SPTA1: variants seen among roughly 807,000 people sequenced by gnomAD.
SPTA1 encodes spectrin alpha chain, erythrocytic 1.
In SPTA1, 177 loss-of-function variants were observed where a neutral mutation model predicts 324.7. That is an observed-to-expected ratio of 0.55 (90% CI 0.48 to 0.62). The LOEUF is 0.62. SPTA1 is among the 20% of genes least tolerant of loss of function. SPTA1 has a pLI of 0.00. For missense variants in SPTA1, 3,162 were observed against 2,883.6 expected (o/e 1.10, Z -2.21); for synonymous variants, 1,195 against 1,041.3 (o/e 1.15, Z -2.84).
At chr1:158,670,191 T>A (rs1653914672) in intron 12 of SPTA1, among the ~76,000 whole-genome samples, 1 of 152,188 alleles carries the variant, frequency 6.6e-6, no homozygotes. Flanking sequence ...CCTCTATCTC[T>A]ATCTCCTTCT....
rs1383233160 is a variant in SPTA1 at position 158,685,099 on chromosome 1, C to A, written c.264+9G>T. Reference sequence around the variant, plus strand: ...GTCTGCTCTGAGGCAATCAAGAGAACTGAGTGACCTGTATATTAGTTGGGT... The same window carrying A: ...GTCTGCTCTGAGGCAATCAAGAGAAATGAGTGACCTGTATATTAGTTGGGT... On this transcript the variant is annotated intron_variant, in intron 2 of 51. Transcript: ENST00000643759. 4 of 1,613,602 alleles carry A rather than the reference C, an allele frequency of 2.5e-6. No homozygotes were observed. The highest frequency in any genetic ancestry group is 3.4e-6 in the Non-Finnish European group (4 of 1,179,708).
intron 40 of SPTA1, 120 bp downstream of exon 40, chr1:158,627,505 T>G (rs577582410): frequency 3.1e-4 from 302 of 960,228 alleles, no homozygotes; most frequent in South Asian, 9.3e-4. Flanking sequence ...TAGAAGAGAT[T>G]GTTAAAGTTC....
chr1:158,623,099 G>A lies in SPTA1; in HGVS notation c.6004C>T (p.Gln2002Ter). 1 of 1,614,130 alleles carries A rather than the reference G, an allele frequency of 6.2e-7. No homozygotes were observed. Among genetic ancestry groups the A allele is most frequent in the Non-Finnish European group, 8.5e-7 (1 of 1,180,026 alleles). ...TAACGCTCTTCAATGGCTTTAGACT[G>A]GTTGTGTTGAGCAGAAATCAGTTTG... ...KDKLISAQHN[Q>*]SKAIEERYAA... Residue 2002 changes from glutamine (Q) to a stop codon, truncating the protein, a stop_gained, in exon 43 of 52, where the codon CAG becomes TAG. Coordinates refer to ENST00000643759, the MANE Select transcript of SPTA1 (RefSeq NM_003126.4). LOFTEE classifies it high-confidence loss of function.
chr1:158,669,349 G>A (rs1653834158), intron 14 of SPTA1, 59 bp downstream of exon 14: 1 of 1,607,574 alleles, frequency 6.2e-7, no homozygotes, highest in Non-Finnish European at 8.5e-7. Context: ...CTCCAAGACT[G>A]TACTTCCAAT....
chr1:158,645,782 T>C (rs991126871), intron 27 of SPTA1, among the ~76,000 whole-genome samples, 188 bp from the exon 28 acceptor site: 5 of 152,250 alleles, frequency 3.3e-5, no homozygotes, highest in Non-Finnish European at 7.3e-5. Context: ...TCCCTTGTAT[T>C]TGAAAGCCTC....
At chr1:158,673,454 G>T (rs1296618033) in intron 10 of SPTA1, among the ~76,000 whole-genome samples, 1 of 152,192 alleles carries the variant, frequency 6.6e-6, no homozygotes, top group Non-Finnish European at 1.5e-5. Context: ...GATGTAGGAG[G>T]TTAGGATGAT....
intron 36 of SPTA1, 42 bp downstream of exon 36, chr1:158,637,991 T>A: frequency 6.3e-7 from 1 of 1,592,990 alleles, no homozygotes; most frequent in Non-Finnish European, 8.6e-7. Context: ...GATTATCTAC[T>A]CGCTTGTATT....
intron 11 of SPTA1, 23 bp from the exon 12 acceptor site, chr1:158,671,476 C>A: frequency 6.4e-7 from 1 of 1,569,294 alleles, no homozygotes; most frequent in Non-Finnish European, 8.8e-7. Flanking sequence ...GAAAGACACA[C>A]CTAAGCTGTG....
At chr1:158,634,807 C>A (rs1650943500) in intron 38 of SPTA1, 132 bp from the exon 39 acceptor site, 1 of 1,018,020 alleles carries the variant, frequency 9.8e-7, no homozygotes, top group Non-Finnish European at 1.5e-6. Flanking sequence ...AAGTGGGCCT[C>A]AACACAGTAT....
Position 158,676,295 on chromosome 1 carries a change from C to T in SPTA1, c.958G>A (p.Val320Met), listed in dbSNP as rs1654390391. Reference protein sequence around the residue: ...ERNLAVMSDKVKELCAKAEKL... With the variant: ...ERNLAVMSDKMKELCAKAEKL... ...TCTGCTTTAGCACATAACTCCTTCA[C>T]CTTTGGGATGAAAAAGAAACCTAGT... Residue 320 changes from valine to methionine, a missense_variant and splice_region_variant, in exon 8 of 52, where the codon GTG becomes ATG. By Grantham distance (21) the Val-to-Met change is conservative (BLOSUM62 1). Transcript: ENST00000643759. 6.2e-7 allele frequency: 1 copy of T among 1,613,382 alleles called. No individual in the cohort carries two copies. Among genetic ancestry groups the T allele is most frequent in the Non-Finnish European group, 8.5e-7 (1 of 1,179,582 alleles).
At position 158,619,415 on chromosome 1, in the gene SPTA1, T is replaced by C. The variant is rs1015682404; in HGVS notation, c.6418-81A>G. 6 of 1,332,078 alleles carry C rather than the reference T, an allele frequency of 4.5e-6. No individual in the cohort carries two copies. The Admixed American group carries it at 1.0e-4, about 22-fold the overall frequency. The allele number at this position is 1,332,078 out of a possible 1,614,324, so 82.5% of individuals were successfully genotyped here. On this transcript the variant is annotated intron_variant, in intron 44 of 51. Coordinates refer to ENST00000643759, the MANE Select transcript of SPTA1 (RefSeq NM_003126.4). ...AAGAGAATTGGTTTGTAGGCTTAAC[T>C]GCATATCTTTCCTCTCTCAAGTCTA...
Position 158,610,817 on chromosome 1 carries a change from C to T in SPTA1, c.*447G>A, listed in dbSNP as rs2101739659. The T allele has an allele frequency of 6.4e-6, 1 of 155,284 alleles. No individual in the cohort carries two copies. Among genetic ancestry groups the T allele is most frequent in the East Asian group, 1.9e-4 (1 of 5,298 alleles). The allele number at this position is 155,284 out of a possible 1,614,324, so 9.6% of individuals were successfully genotyped here. On this transcript the variant is annotated 3_prime_UTR_variant, in exon 52 of 52. Transcript: ENST00000643759. ...TTTTATTTATCTACTATACCATGGC[C>T]CTTCTTTACAGTAAAATTAGCTGCC... is the stretch of plus-strand genomic sequence containing the variant.
chr1:158,638,832 C>T (rs1651306917), intron 35 of SPTA1, among the ~76,000 whole-genome samples: 2 of 151,280 alleles, frequency 1.3e-5, no homozygotes, highest in Non-Finnish European at 2.9e-5. Flanking sequence ...TTGATAGCCA[C>T]AGATTGATTG....
intron 38 of SPTA1, 44 bp from the exon 39 acceptor site, chr1:158,634,719 G>A (rs1269807802): frequency 2.5e-6 from 4 of 1,612,386 alleles, no homozygotes; most frequent in South Asian, 2.2e-5. Flanking sequence ...GAACAAACTG[G>A]TAAGCAGTGG....
intron 50 of SPTA1, 34 bp from the exon 51 acceptor site, chr1:158,612,995 T>C: frequency 6.2e-7 from 1 of 1,612,064 alleles, no homozygotes; most frequent in Non-Finnish European, 8.5e-7. Context: ...CTGAGCCTTC[T>C]CAAGGCAGAG....
chr1:158,674,946 C>T (rs1016730307), intron 8 of SPTA1, among the ~76,000 whole-genome samples: 3 of 152,114 alleles, frequency 2.0e-5, no homozygotes, highest in Admixed American at 2.0e-4. Context: ...CTCAAGGTCA[C>T]ACCTACCCTA....
intron 6 of SPTA1, 31 bp downstream of exon 6, chr1:158,678,370 G>C (rs1337018354): frequency 1.2e-6 from 2 of 1,613,078 alleles, no homozygotes; most frequent in East Asian, 2.2e-5. Flanking sequence ...GCACTTCAAA[G>C]TTTTCTATAA....
chr1:158,654,829 T>C (rs1388729507), intron 20 of SPTA1, 81 bp from the exon 21 acceptor site: 7 of 1,592,720 alleles, frequency 4.4e-6, no homozygotes, highest in African/African-American at 1.3e-5. Flanking sequence ...AGTAGTCCTT[T>C]AGGCTTCCCA....
chr1:158,645,137 T>A, intron 29 of SPTA1, 51 bp downstream of exon 29: 2 of 1,595,824 alleles, frequency 1.3e-6, no homozygotes, highest in Non-Finnish European at 1.7e-6. Flanking sequence ...TGAAATTGCA[T>A]AGGAGAAACA....
Sources: allele counts gnomAD v4.1 joint callset (sites outside exome capture counted in the v4.1 genomes callset), GRCh38; gene constraint gnomAD v4.1.1; transcripts MANE v1.5; gene names NCBI Gene and HGNC (gene_info 2026-07-23, HGNC 2026-07-21).